The following THEMIS variants were observed in gnomAD, a reference collection of about 807,000 sequenced individuals.
THEMIS encodes the protein protein THEMIS.
A neutral mutation model predicts 52.6 loss-of-function variants in THEMIS; 37 were observed. The ratio of observed to expected loss-of-function variants is 0.70; its 90% confidence interval spans 0.54 to 0.93. The LOEUF is 0.93. Ranked by LOEUF, THEMIS falls within the 40% of genes least tolerant of loss-of-function variation. THEMIS has a pLI of 0.00. For missense variants in THEMIS, 808 were observed against 763.1 expected (o/e 1.06, Z -0.69); for synonymous variants, 292 against 272.7 (o/e 1.07, Z -0.70).
intron 1 of THEMIS, among the ~76,000 whole-genome samples, chr6:127,884,259 A>T (rs1041545862): frequency 2.6e-4 from 39 of 152,152 alleles, no homozygotes; most frequent in Non-Finnish European, 5.3e-4. Context: ...CCCATGTGGC[A>T]CATGGACAAT....
chr6:127,881,470 A>G (rs9491884), intron 1 of THEMIS, among the ~76,000 whole-genome samples: 3,902 of 152,118 alleles, frequency 0.026, 156 homozygotes, highest in African/African-American at 0.086. Flanking sequence ...AACATTTGCC[A>G]GTACTCCATT....
the THEMIS span, among the ~76,000 whole-genome samples, chr6:127,697,123 T>C: frequency 6.6e-6 from 1 of 152,114 alleles, no homozygotes; most frequent in Non-Finnish European, 1.5e-5. Flanking sequence ...ATACAAAAAT[T>C]AATGTGTCCA....
chr6:127,782,918 C>A (rs958015299), intron 4 of THEMIS, among the ~76,000 whole-genome samples: 21 of 152,136 alleles, frequency 1.4e-4, no homozygotes, highest in African/African-American at 4.8e-4. Context: ...CAAAATAGAA[C>A]CTACATAGCC....
intron 1 of THEMIS, among the ~76,000 whole-genome samples, chr6:127,886,744 G>A (rs1780658759): frequency 1.3e-5 from 2 of 152,118 alleles, no homozygotes; most frequent in Non-Finnish European, 2.9e-5. Context: ...TTTAAGCACT[G>A]TCCATATGTC....
chr6:127,837,556 C>A (rs554006936), intron 2 of THEMIS, among the ~76,000 whole-genome samples: 1 of 151,722 alleles, frequency 6.6e-6, no homozygotes, highest in African/African-American at 2.4e-5. Flanking sequence ...AGGAACCCAG[C>A]CTAAATTTCT....
chr6:127,728,336 C>T (rs866156122), intron 4 of THEMIS, among the ~76,000 whole-genome samples: 3 of 152,072 alleles, frequency 2.0e-5, no homozygotes, highest in East Asian at 1.9e-4. Context: ...AATACATTCA[C>T]GTTGTAATAA....
At chr6:127,887,026 C>T (rs1780668547) in intron 1 of THEMIS, among the ~76,000 whole-genome samples, 1 of 150,440 alleles carries the variant, frequency 6.6e-6, no homozygotes, top group Non-Finnish European at 1.5e-5. Context: ...CCAAAAAATA[C>T]ATTGGATTTC....
chr6:127,699,978 C>T, the THEMIS span, among the ~76,000 whole-genome samples: 1 of 151,730 alleles, frequency 6.6e-6, no homozygotes, highest in East Asian at 1.9e-4. Flanking sequence ...AAATTAAGAA[C>T]TGTGTTTTAA....
chr6:127,894,689 C>T (rs1295447345), intron 1 of THEMIS, among the ~76,000 whole-genome samples: 1 of 151,450 alleles, frequency 6.6e-6, no homozygotes, highest in Non-Finnish European at 1.5e-5. Context: ...ATTAACAAAA[C>T]CAAATTCTAG....
At chr6:127,840,714 T>C (rs762178448) in intron 2 of THEMIS, among the ~76,000 whole-genome samples, 2 of 152,104 alleles carry the variant, frequency 1.3e-5, no homozygotes, top group African/African-American at 2.4e-5. Flanking sequence ...TGCCCTTCAG[T>C]AGGTGAATGG....
At chr6:127,845,697 T>C (rs1471558020) in intron 2 of THEMIS, among the ~76,000 whole-genome samples, 5 of 151,916 alleles carry the variant, frequency 3.3e-5, no homozygotes, top group African/African-American at 1.2e-4. Flanking sequence ...GGAAAGGCTT[T>C]TCTCAGAGCA....
intron 1 of THEMIS, among the ~76,000 whole-genome samples, chr6:127,893,063 C>T (rs1780859577): frequency 6.6e-6 from 1 of 151,986 alleles, no homozygotes. Flanking sequence ...CTTTCTTCCA[C>T]ATTTATGTAG....
chr6:127,903,263 A>C (rs975078941), upstream of THEMIS, among the ~76,000 whole-genome samples: 1 of 152,078 alleles, frequency 6.6e-6, no homozygotes, highest in African/African-American at 2.4e-5. Context: ...CAGGCAAAAA[A>C]ATCCTGATGT....
At chr6:127,817,232 T>A in intron 3 of THEMIS, among the ~76,000 whole-genome samples, 1 of 152,282 alleles carries the variant, frequency 6.6e-6, no homozygotes. Flanking sequence ...TAGTAGATAC[T>A]CAATAAATGA....
At position 127,833,148 on chromosome 6, in the gene THEMIS, A is replaced by T. The variant is rs534646663; in HGVS notation, c.251-3214T>A. On this transcript the variant is annotated intron_variant, in intron 2 of 5. Coordinates refer to ENST00000368248, the MANE Select transcript of THEMIS (RefSeq NM_001010923.3). The stretch of plus-strand genomic sequence containing the variant: ...TAGGAGACATTGTTCATTAAAAAAA[A>T]CACGTCACTTAACTAACATAAATCA... 1.3e-3 allele frequency among the ~76,000 whole-genome samples: 196 copies of T among 152,156 alleles called. 1 individual carries two copies. In the East Asian group the frequency reaches 0.036, roughly 28 times the overall value.
chr6:127,762,438 T>C (rs903959467), intron 4 of THEMIS, among the ~76,000 whole-genome samples: 8 of 152,094 alleles, frequency 5.3e-5, no homozygotes, highest in Non-Finnish European at 1.0e-4. Flanking sequence ...AAATGAATCC[T>C]CTGTTGGCAT....
At chr6:127,830,389 G>C (rs1469574073) in intron 2 of THEMIS, among the ~76,000 whole-genome samples, 2 of 152,124 alleles carry the variant, frequency 1.3e-5, no homozygotes, top group East Asian at 3.9e-4. Flanking sequence ...GAACTGATTT[G>C]TAGTCACATT....
rs1777292625 is a variant in THEMIS at position 127,795,361 on chromosome 6, C to T, written c.1758+17522G>A. Among the ~76,000 whole-genome samples, 4 of 152,256 alleles carry T rather than the reference C, an allele frequency of 2.6e-5. No homozygotes were observed. In the East Asian group the frequency reaches 7.7e-4, roughly 29 times the overall value. ...TATTATTTTTTGAGATGGAGTCTTGCTCTGTCACCCAGGCTGGAGTGCAGT... is the reference window on the plus strand; with the variant it reads ...TATTATTTTTTGAGATGGAGTCTTGTTCTGTCACCCAGGCTGGAGTGCAGT... On this transcript the variant is annotated intron_variant, in intron 4 of 5. Transcript: ENST00000368248.
At chr6:127,724,049 GC>G (rs374864580) in intron 4 of THEMIS, among the ~76,000 whole-genome samples, 309 of 151,984 alleles carry the variant, frequency 2.0e-3, no homozygotes, top group African/African-American at 6.4e-3. Context: ...TTTTTCTTTA[GC>G]CAGTTATCAG....
Sources: allele counts gnomAD v4.1 joint callset (sites outside exome capture counted in the v4.1 genomes callset), GRCh38; gene constraint gnomAD v4.1.1; transcripts MANE v1.5; gene names NCBI Gene and HGNC (gene_info 2026-07-23, HGNC 2026-07-21).